The following CNKSR3 variants were observed in gnomAD, a reference collection of about 807,000 sequenced individuals.
The protein encoded by CNKSR3 is CNKSR family member 3.
CNKSR3 carries 36 observed loss-of-function variants against 67.7 expected under a neutral mutation model. That is an observed-to-expected ratio of 0.53 (90% confidence interval 0.41 to 0.70). The LOEUF is 0.70. CNKSR3 is among the 30% of genes least tolerant of loss of function. CNKSR3 has a pLI of 0.00. For missense variants in CNKSR3, 630 were observed against 695.2 expected, an observed-to-expected ratio of 0.91 and a Z score of 1.05; for synonymous variants, 281 against 271.4, an observed-to-expected ratio of 1.04 and a Z score of -0.35.
At position 154,414,441 on chromosome 6, in the gene CNKSR3, C is replaced by A. The variant is rs759572383; in HGVS notation, c.946-18G>T. 10 of 1,571,786 alleles carry A rather than the reference C, an allele frequency of 6.4e-6. No homozygotes were observed. The African/African-American group carries it at 1.4e-4, about 21-fold the overall frequency. On this transcript the variant is annotated intron_variant, in intron 9 of 12. Coordinates refer to ENST00000607772, the MANE Select transcript of CNKSR3 (RefSeq NM_173515.4). ...GGTGAGGTCTGAAACAGGAGTAACACAGCAATGCAAAGAGTGGAGATCAAT... is the reference window on the plus strand; with the variant it reads ...GGTGAGGTCTGAAACAGGAGTAACAAAGCAATGCAAAGAGTGGAGATCAAT...
chr6:154,507,951 A>AAACAAC (rs58124833), intron 1 of CNKSR3, among the ~76,000 whole-genome samples: 3 of 152,072 alleles, frequency 2.0e-5, no homozygotes, highest in African/African-American at 7.2e-5. Context: ...AGAGGGACAA[A>AAACAAC]AACAACAACA....
intron 2 of CNKSR3, among the ~76,000 whole-genome samples, chr6:154,444,367 C>T (rs550617634): frequency 3.3e-5 from 5 of 152,232 alleles, no homozygotes; most frequent in South Asian, 2.1e-4. Flanking sequence ...AGCTCATCAG[C>T]GGTAGTGCTG....
intron 1 of CNKSR3, among the ~76,000 whole-genome samples, chr6:154,486,996 G>T (rs965145474): frequency 6.6e-6 from 1 of 151,294 alleles, no homozygotes; most frequent in Non-Finnish European, 1.5e-5. Flanking sequence ...GCGGGGGCAG[G>T]TGGTGAGGGG....
intron 9 of CNKSR3, among the ~76,000 whole-genome samples, chr6:154,421,630 C>T (rs1255863677): frequency 6.6e-6 from 1 of 150,936 alleles, no homozygotes; most frequent in Non-Finnish European, 1.5e-5. Flanking sequence ...TTAAATAAAA[C>T]TCAGTCAGTC....
chr6:154,417,374 A>G (rs1003192572), intron 9 of CNKSR3, among the ~76,000 whole-genome samples: 1 of 152,218 alleles, frequency 6.6e-6, no homozygotes, highest in African/African-American at 2.4e-5. Context: ...GGCCACATTC[A>G]TAACCACTAG....
chr6:154,475,149 T>C (rs1786416663), intron 1 of CNKSR3, among the ~76,000 whole-genome samples: 1 of 152,126 alleles, frequency 6.6e-6, no homozygotes. Flanking sequence ...AGCTAAAAAG[T>C]GGTAGAACTG....
intron 2 of CNKSR3, among the ~76,000 whole-genome samples, chr6:154,446,889 C>T (rs1402881425): frequency 6.6e-6 from 1 of 151,152 alleles, no homozygotes; most frequent in African/African-American, 2.4e-5. Flanking sequence ...ACTGCAAGCT[C>T]CACCTCCTGG....
chr6:154,456,637 A>T (rs1785964569), intron 1 of CNKSR3, among the ~76,000 whole-genome samples: 3 of 139,584 alleles, frequency 2.1e-5, no homozygotes, highest in African/African-American at 7.9e-5. Flanking sequence ...AACCTGGGAG[A>T]TGGAGGTTGC....
intron 1 of CNKSR3, among the ~76,000 whole-genome samples, chr6:154,484,695 C>CA (rs1166789172): frequency 0.15 from 9,556 of 65,212 alleles, 990 homozygotes; most frequent in African/African-American, 0.29. Context: ...GAGCAAGACT[C>CA]AAAAAAAAAA....
intron 1 of CNKSR3, among the ~76,000 whole-genome samples, chr6:154,497,065 A>G (rs1786893786): frequency 6.6e-6 from 1 of 152,170 alleles, no homozygotes; most frequent in African/African-American, 2.4e-5. Flanking sequence ...AAGCCTTAGC[A>G]AGAGCCTGGC....
At chr6:154,422,712 C>T in intron 8 of CNKSR3, 60 bp from the exon 9 acceptor site, 1 of 1,579,142 alleles carries the variant, frequency 6.3e-7, no homozygotes, top group South Asian at 1.1e-5. Context: ...AAAACCGAAC[C>T]TATGAATTTA....
intron 1 of CNKSR3, among the ~76,000 whole-genome samples, chr6:154,495,759 G>T (rs765754553): frequency 1.3e-5 from 2 of 151,920 alleles, no homozygotes; most frequent in African/African-American, 4.8e-5. Flanking sequence ...CCACTCCCAC[G>T]TGTATTCAGA....
In CNKSR3 at chr6:154,410,349, T is replaced by C; in HGVS notation, c.1363A>G (p.Arg455Gly). The part of the protein sequence containing the change: ...DPFARPRGHG[R>G]KGEDALCRYF... ...TTGCTTGGATGAAACGTACCTTTCC[T>C]GCCATGACCTCGAGGTCTGGCAAAA... is the stretch of plus-strand genomic sequence containing the variant. Residue 455 changes from arginine (R) to glycine (G), a missense_variant, in exon 12 of 13, where the codon AGG (arginine) becomes GGG (glycine). Around this residue, in one of 3 missense-constraint regions of CNKSR3, gnomAD observed 308 missense variants for 299.6 expected, o/e 1.03. Coordinates refer to ENST00000607772, the MANE Select transcript of CNKSR3 (RefSeq NM_173515.4). The C allele has an allele frequency of 1.9e-6, 3 of 1,613,450 alleles. No individual in the cohort carries two copies. In the South Asian group the frequency reaches 3.3e-5, roughly 18 times the overall value.
intron 9 of CNKSR3, among the ~76,000 whole-genome samples, chr6:154,421,524 T>G (rs1228533328): frequency 6.6e-6 from 1 of 152,204 alleles, no homozygotes; most frequent in African/African-American, 2.4e-5. Flanking sequence ...CTTTATGAAA[T>G]AAGCACTAAG....
At chr6:154,488,350 C>T (rs985493314) in intron 1 of CNKSR3, among the ~76,000 whole-genome samples, 2 of 152,178 alleles carry the variant, frequency 1.3e-5, no homozygotes, top group African/African-American at 4.8e-5. Context: ...TTCCTGAATT[C>T]CTAAGGTTGC....
chr6:154,498,524 C>T (rs1786921725), intron 1 of CNKSR3, among the ~76,000 whole-genome samples: 1 of 152,218 alleles, frequency 6.6e-6, no homozygotes, highest in African/African-American at 2.4e-5. Flanking sequence ...GGGTTTGCCA[C>T]AGTCTCCACC....
At chr6:154,484,458 C>T (rs566451113) in intron 1 of CNKSR3, among the ~76,000 whole-genome samples, 39 of 152,290 alleles carry the variant, frequency 2.6e-4, no homozygotes, top group African/African-American at 7.5e-4. Flanking sequence ...GTAATCCCAA[C>T]GCTTTGGCAG....
At chr6:154,444,624 T>TG (rs761803700) in intron 2 of CNKSR3, among the ~76,000 whole-genome samples, 42 of 145,198 alleles carry the variant, frequency 2.9e-4, no homozygotes, top group African/African-American at 4.2e-4. Context: ...TTTTTTTTTT[T>TG]GAAACGGAGT....
rs371948179 is a variant in CNKSR3 at position 154,441,375 on chromosome 6, G to A, written c.424C>T (p.Pro142Ser). The stretch of plus-strand genomic sequence containing the variant: ...GAGAAATCAGTGATCCCTGTAAACG[G>A]AGCCCTAGAAGGTAGCAACAATCCT... ...KALLAWLDRA[P>S]FTGITDFSVT... The change falls in exon 4 of 13, where the codon CCG becomes TCG. Residue 142 changes from proline to serine, a missense_variant. Pro to Ser is a moderately conservative substitution (Grantham distance 74). Around this residue, in one of 3 missense-constraint regions of CNKSR3, gnomAD observed 189 missense variants for 205.0 expected, o/e 0.92. Coordinates refer to ENST00000607772, the MANE Select transcript of CNKSR3 (RefSeq NM_173515.4). 36 of 1,613,340 alleles carry A rather than the reference G, an allele frequency of 2.2e-5. No homozygotes were observed. The highest frequency in any genetic ancestry group is 3.1e-5 in the Non-Finnish European group (36 of 1,179,534).
Sources: allele counts gnomAD v4.1 joint callset (sites outside exome capture counted in the v4.1 genomes callset), GRCh38; gene constraint gnomAD v4.1.1; regional missense constraint gnomAD v4.1.1; transcripts MANE v1.5; gene names NCBI Gene and HGNC (gene_info 2026-07-23, HGNC 2026-07-21).